Variants in VRK2 observed in about 807,000 individuals in gnomAD.
VRK2 encodes VRK serine/threonine kinase 2.
Under a neutral mutation model 57.6 loss-of-function variants are expected in VRK2, and 60 were observed. The observed-to-expected ratio is 1.04, with a 90% CI of 0.85 to 1.29. The LOEUF (loss-of-function observed/expected upper bound fraction) is 1.29, where lower values mean the gene tolerates loss of function less well. Ranked by LOEUF, VRK2 falls within the 50% of genes most tolerant of loss-of-function variation. The probability of loss-of-function intolerance (pLI) is 0.00; values close to 1 mark genes in which losing one functional copy is unlikely to be tolerated. For missense variants in VRK2, 705 were observed against 588.1 expected, an observed-to-expected ratio of 1.20 and a Z score of -2.06; for synonymous variants, 231 against 199.2, an observed-to-expected ratio of 1.16 and a Z score of -1.35.
chr2:58,137,142 T>C (rs567315868), intron 10 of VRK2, among the ~76,000 whole-genome samples: 6 of 77,198 alleles, frequency 7.8e-5, no homozygotes, highest in Admixed American at 7.3e-4. Context: ...TCATATATCA[T>C]ATATATCATG....
At position 58,135,156 on chromosome 2, in the gene VRK2, C is replaced by T. The variant is rs779696596; in HGVS notation, c.813C>T (p.Leu271=). ...QTAKTNLLDE[L]PQSVLKWAPS... ...TTTGTTTTAGTCTGTTGGACGAGCT[C>T]CCCCAGTCAGTGCTTAAATGGGCTC... The change falls in exon 10 of 13, where the codon CTC becomes CTT. Residue 271 remains leucine, a synonymous_variant. Transcript: ENST00000340157. 1.2e-6 allele frequency: 2 copies of T among 1,613,974 alleles called. No homozygotes were observed. Among genetic ancestry groups the T allele is most frequent in the African/African-American group, 2.7e-5 (2 of 74,918 alleles).
Position 58,039,819 on chromosome 2 carries a change from T to A in VRK2, c.-6+6266T>A, listed in dbSNP as rs570609662. 5.3e-5 allele frequency among the ~76,000 whole-genome samples: 8 copies of A among 152,236 alleles called. No homozygotes were observed. In the East Asian group the frequency reaches 7.7e-4, roughly 15 times the overall value. On this transcript the variant is annotated intron_variant, in intron 3 of 15. Coordinates refer to the VRK2 transcript ENST00000417641. ...TGTTAACAGAGAGTATTTTTAAAAA[T>A]TTTTTATGGGCAATTCCCCCTCTAT...
At chr2:58,069,191 A>C (rs10178025) in intron 2 of VRK2, among the ~76,000 whole-genome samples, 9,293 of 152,244 alleles carry the variant, frequency 0.061, 952 homozygotes, top group African/African-American at 0.21. Context: ...TCCTGGTTGC[A>C]TTCAGGCTTC....
chr2:58,159,435 A>T lies in VRK2; in HGVS notation c.1269A>T (p.Thr423=), dbSNP rs772348250. 2.5e-5 allele frequency: 41 copies of T among 1,613,512 alleles called. No individual in the cohort carries two copies. The highest frequency in any genetic ancestry group is 3.2e-5 in the Non-Finnish European group (38 of 1,179,706). ...VNSFPQKISY[T]QFPNSFYEPH... ...GTTTCCCACAAAAAATCAGCTATAC[A>T]CAATTCCCAAACTCATTTTATGAGC... The change falls in exon 13 of 13, where the codon ACA becomes ACT. Residue 423 remains threonine, a synonymous_variant. Coordinates refer to ENST00000340157, the MANE Select transcript of VRK2 (RefSeq NM_006296.7).
rs1679198413 is a variant in VRK2, at chr2:58,131,609, T to C, written c.677-199T>C. Reference sequence around the variant, plus strand: ...GAGGTGAGGAAACTGACCCTTACTTTCAACAGCAACCAGTCACTGCCTGTC... The same window carrying C: ...GAGGTGAGGAAACTGACCCTTACTTCCAACAGCAACCAGTCACTGCCTGTC... On this transcript the variant is annotated intron_variant, in intron 8 of 12. Coordinates refer to ENST00000340157, the MANE Select transcript of VRK2 (RefSeq NM_006296.7). 2.0e-5 allele frequency among the ~76,000 whole-genome samples: 3 copies of C among 152,228 alleles called. No homozygotes were observed. The South Asian group carries it at 6.2e-4, about 32-fold the overall frequency.
intron 1 of VRK2, among the ~76,000 whole-genome samples, chr2:58,019,323 C>T (rs12471043): frequency 0.13 from 19,003 of 151,966 alleles, 1,330 homozygotes; most frequent in African/African-American, 0.18. Flanking sequence ...TAAGTATATC[C>T]GCTTTTTTTT....
intron 2 of VRK2, among the ~76,000 whole-genome samples, chr2:58,053,938 G>T (rs1410268319): frequency 6.6e-6 from 1 of 152,006 alleles, no homozygotes; most frequent in Admixed American, 6.6e-5. Context: ...GTCTCCAGAA[G>T]GTATAAATAA....
At chr2:58,154,321 C>CT (rs149177287) in intron 12 of VRK2, among the ~76,000 whole-genome samples, 105 of 146,210 alleles carry the variant, frequency 7.2e-4, no homozygotes, top group Middle Eastern at 3.6e-3. Flanking sequence ...CTTTGGATTT[C>CT]TTTTTTTTTT....
intron 2 of VRK2, among the ~76,000 whole-genome samples, chr2:58,068,143 T>C (rs1053480322): frequency 6.6e-6 from 1 of 152,126 alleles, no homozygotes; most frequent in Non-Finnish European, 1.5e-5. Context: ...TTGCCCAGGC[T>C]GGTCTCAAAC....
At chr2:58,147,255 T>G (rs949792227) in intron 12 of VRK2, 13 of 499,782 alleles carry the variant, frequency 2.6e-5, no homozygotes, top group Non-Finnish European at 5.2e-5. Flanking sequence ...ATAGTACTTA[T>G]GCATTCTTCA....
chr2:58,007,759 G>C (rs900775050), intron 1 of VRK2, among the ~76,000 whole-genome samples: 1 of 151,900 alleles, frequency 6.6e-6, no homozygotes, highest in Non-Finnish European at 1.5e-5. Flanking sequence ...CCCCCATATT[G>C]TTCAATGGTC....
chr2:57,913,711 CA>C (rs1197012658), intron 1 of VRK2, among the ~76,000 whole-genome samples: 1 of 152,000 alleles, frequency 6.6e-6, no homozygotes, highest in Non-Finnish European at 1.5e-5. Context: ...GATATTTTCA[CA>C]AATTATACAT....
intron 1 of VRK2, among the ~76,000 whole-genome samples, chr2:57,934,574 G>A (rs966757847): frequency 6.6e-6 from 1 of 152,098 alleles, no homozygotes; most frequent in African/African-American, 2.4e-5. Context: ...AGCCATTTGG[G>A]AATCTTTGAG....
intron 1 of VRK2, among the ~76,000 whole-genome samples, chr2:57,935,807 C>G (rs1670886721): frequency 6.6e-6 from 1 of 152,206 alleles, no homozygotes. Flanking sequence ...ATTAGAGAAA[C>G]TGCAGACTAA....
chr2:58,141,606 T>A (rs1456588862), intron 11 of VRK2, among the ~76,000 whole-genome samples: 3 of 152,008 alleles, frequency 2.0e-5, no homozygotes, highest in African/African-American at 4.8e-5. Flanking sequence ...GGGATATATT[T>A]TGCAGCAGAT....
intron 7 of VRK2, among the ~76,000 whole-genome samples, chr2:58,113,251 GTGAGC>G (rs1327737857): frequency 2.0e-5 from 3 of 151,172 alleles, no homozygotes; most frequent in African/African-American, 7.3e-5. Flanking sequence ...GGAGGTTGCA[GTGAGC>G]TGAGACTGTG....
intron 1 of VRK2, among the ~76,000 whole-genome samples, chr2:57,988,196 A>G (rs542476741): frequency 6.6e-6 from 1 of 152,328 alleles, no homozygotes; most frequent in East Asian, 1.9e-4. Context: ...TTTCATTTTC[A>G]TACTGTCCTA....
intron 2 of VRK2, among the ~76,000 whole-genome samples, chr2:58,075,000 G>A (rs1351654807): frequency 3.3e-5 from 5 of 152,014 alleles, no homozygotes; most frequent in African/African-American, 1.2e-4. Context: ...TTGTCACCTA[G>A]GTAATCAGCA....
At chr2:58,047,489 C>A (rs975056196) in intron 1 of VRK2, 2 of 985,060 alleles carry the variant, frequency 2.0e-6, no homozygotes, top group Admixed American at 6.1e-5. Context: ...CGTAGAGTCT[C>A]CCTTACCGCC....
Sources: gnomAD v4.1 joint callset for allele counts (sites outside exome capture counted in the v4.1 genomes callset) on GRCh38, gnomAD v4.1.1 for gene constraint, MANE v1.5 for transcripts, NCBI Gene and HGNC (gene_info 2026-07-23, HGNC 2026-07-21) for gene names.